MIS18A: variants seen among roughly 807,000 people sequenced by gnomAD.
The protein encoded by MIS18A is protein Mis18-alpha.
MIS18A carries 14 observed loss-of-function variants against 25.0 expected under a neutral mutation model. The observed-to-expected ratio is 0.56, with a 90% confidence interval of 0.37 to 0.88. The LOEUF is 0.88. MIS18A is among the 40% of genes least tolerant of loss of function. The probability of loss-of-function intolerance (pLI) is 0.00; values close to 1 mark genes in which losing one functional copy is unlikely to be tolerated. For missense variants in MIS18A, 292 were observed against 290.8 expected, an observed-to-expected ratio of 1.00 and a Z score of -0.03; for synonymous variants, 134 against 118.6, an observed-to-expected ratio of 1.13 and a Z score of -0.84.
chr21:32,183,981 G>A, the MIS18A span, among the ~76,000 whole-genome samples: 4 of 152,174 alleles, frequency 2.6e-5, no homozygotes, highest in South Asian at 2.1e-4. Context: ...ACATTCATCT[G>A]CGTTTTTCAA....
In MIS18A at chr21:32,268,327, C is replaced by T. The variant is rs11088214; in HGVS notation, c.*710G>A. On this transcript the variant is annotated 3_prime_UTR_variant, in exon 5 of 5. Transcript: ENST00000290130. ...AAACAAAAATTCCCCCAGAATCCCACCCTCAGAGATGGTTACTCCTCTTTG... is the reference window on the plus strand; with the variant it reads ...AAACAAAAATTCCCCCAGAATCCCATCCTCAGAGATGGTTACTCCTCTTTG... 3 of 152,176 alleles carry T rather than the reference C, an allele frequency of 2.0e-5. No homozygotes were observed. The highest frequency in any genetic ancestry group is 1.3e-4 in the Admixed American group (2 of 15,288). The allele number at this position is 152,176 out of a possible 1,614,324, so 9.4% of individuals were successfully genotyped here.
the MIS18A span, among the ~76,000 whole-genome samples, chr21:32,172,939 A>G: frequency 0.019 from 2,844 of 152,166 alleles, 98 homozygotes; most frequent in African/African-American, 0.064. Context: ...ACCTCACACC[A>G]TAGCCAAAAT....
At chr21:32,215,551 C>T in the MIS18A span, among the ~76,000 whole-genome samples, 1 of 151,992 alleles carries the variant, frequency 6.6e-6, no homozygotes, top group Non-Finnish European at 1.5e-5. Context: ...GATATCTCAC[C>T]CCAGCTGAAA....
intron 4 of MIS18A, among the ~76,000 whole-genome samples, chr21:32,269,382 G>A (rs1429959711): frequency 6.6e-6 from 1 of 152,178 alleles, no homozygotes; most frequent in Non-Finnish European, 1.5e-5. Flanking sequence ...ATGAGAAAAT[G>A]TTAACATCCA....
the MIS18A span, among the ~76,000 whole-genome samples, chr21:32,169,751 TA>T: frequency 6.6e-6 from 1 of 152,112 alleles, no homozygotes; most frequent in Non-Finnish European, 1.5e-5. Flanking sequence ...CTCTGTCTAA[TA>T]ATCATATGAA....
intron 2 of MIS18A, among the ~76,000 whole-genome samples, chr21:32,274,440 C>T (rs928622342): frequency 6.6e-5 from 10 of 151,890 alleles, no homozygotes; most frequent in African/African-American, 2.2e-4. Flanking sequence ...CCTGACCCCC[C>T]GGTGATCTGC....
chr21:32,244,499 G>A, the MIS18A span, among the ~76,000 whole-genome samples: 1 of 152,164 alleles, frequency 6.6e-6, no homozygotes, highest in African/African-American at 2.4e-5. Flanking sequence ...CATTTTGGGA[G>A]GCCAAGGTGG....
chr21:32,241,180 C>T, the MIS18A span, among the ~76,000 whole-genome samples: 3 of 152,150 alleles, frequency 2.0e-5, no homozygotes, highest in Non-Finnish European at 4.4e-5. Context: ...CTTTCATATA[C>T]AATGTCATGA....
At chr21:32,254,832 C>T in the MIS18A span, among the ~76,000 whole-genome samples, 1 of 152,104 alleles carries the variant, frequency 6.6e-6, no homozygotes, top group Non-Finnish European at 1.5e-5. Context: ...CAGATTCATT[C>T]ATTATATGGC....
intron 2 of MIS18A, among the ~76,000 whole-genome samples, chr21:32,273,871 G>A (rs544586096): frequency 8.9e-4 from 136 of 152,320 alleles, no homozygotes; most frequent in Admixed American, 2.4e-3. Context: ...ATACGCAAGT[G>A]TAAGATACAG....
intron 3 of MIS18A, among the ~76,000 whole-genome samples, chr21:32,270,149 A>C (rs549280052): frequency 6.6e-6 from 1 of 152,306 alleles, no homozygotes; most frequent in South Asian, 2.1e-4. Flanking sequence ...AACTACTTTC[A>C]ATTTTTAAAA....
chr21:32,246,651 CTT>C, the MIS18A span, among the ~76,000 whole-genome samples: 3 of 152,198 alleles, frequency 2.0e-5, no homozygotes, highest in Non-Finnish European at 4.4e-5. Flanking sequence ...TCTTCCTTCT[CTT>C]TATCTTATCC....
chr21:32,158,625 C>T, the MIS18A span, among the ~76,000 whole-genome samples: 1 of 152,094 alleles, frequency 6.6e-6, no homozygotes, highest in Admixed American at 6.5e-5. Flanking sequence ...CAGGCATGCA[C>T]CACCATGCCC....
At chr21:32,222,934 C>CAAA in the MIS18A span, among the ~76,000 whole-genome samples, 10 of 65,868 alleles carry the variant, frequency 1.5e-4, no homozygotes, top group African/African-American at 2.4e-4. Context: ...GACTCCGTCT[C>CAAA]AAAAAAAAAA....
the MIS18A span, among the ~76,000 whole-genome samples, chr21:32,168,103 G>T: frequency 1.3e-5 from 2 of 152,116 alleles, no homozygotes; most frequent in Non-Finnish European, 2.9e-5. Context: ...AGATGTAATA[G>T]AGATGATCAA....
the MIS18A span, among the ~76,000 whole-genome samples, chr21:32,232,496 T>G: frequency 6.6e-6 from 1 of 151,730 alleles, no homozygotes; most frequent in Non-Finnish European, 1.5e-5. Flanking sequence ...CATTGTATAC[T>G]GAATAACTTC....
chr21:32,163,942 T>A, the MIS18A span, among the ~76,000 whole-genome samples: 7 of 152,032 alleles, frequency 4.6e-5, no homozygotes, highest in Non-Finnish European at 1.0e-4. Flanking sequence ...TCAGGAAGCT[T>A]CCACTCATGG....
the MIS18A span, among the ~76,000 whole-genome samples, chr21:32,258,874 A>AC: frequency 2.7e-5 from 3 of 111,628 alleles, no homozygotes; most frequent in African/African-American, 8.3e-5. Context: ...TTATTTATTT[A>AC]TTTACTTACT....
At chr21:32,226,589 A>G in the MIS18A span, among the ~76,000 whole-genome samples, 1 of 152,208 alleles carries the variant, frequency 6.6e-6, no homozygotes, top group Non-Finnish European at 1.5e-5. Context: ...GCCTCAAAAT[A>G]TATAAAGCAA....
Sources: gnomAD v4.1 joint callset for allele counts (sites outside exome capture counted in the v4.1 genomes callset) on GRCh38, gnomAD v4.1.1 for gene constraint, MANE v1.5 for transcripts, NCBI Gene and HGNC (gene_info 2026-07-23, HGNC 2026-07-21) for gene names.